ZNF69: variants seen among roughly 807,000 people sequenced by gnomAD.
ZNF69 encodes the protein ZNF3.
Under a neutral mutation model 50.9 loss-of-function variants are expected in ZNF69, and 47 were observed. That is an observed-to-expected ratio of 0.92 (90% CI 0.73 to 1.18). ZNF69 has a LOEUF of 1.18. ZNF69 is among the 50% of genes most tolerant of loss of function. The probability of loss-of-function intolerance (pLI) is 0.00; values close to 1 mark genes in which losing one functional copy is unlikely to be tolerated. For synonymous variants in ZNF69, 216 were observed against 223.1 expected, an observed-to-expected ratio of 0.97 and a Z score of 0.29; for missense variants, 717 against 675.1, an observed-to-expected ratio of 1.06 and a Z score of -0.69.
rs750086331 is a variant in ZNF69 at position 11,904,942 on chromosome 19, C to A, written c.545C>A (p.Pro182Gln). The change falls in exon 4 of 4, where the codon CCA becomes CAA. Residue 182 changes from proline (P) to glutamine (Q), a missense_variant. Transcript: ENST00000429654. ...AFRYHPSFRT[P>Q]QRDHTGEKPY... Reference sequence around the variant, plus strand: ...AGATATCACCCCTCCTTTAGAACACCACAAAGGGATCACACTGGAGAGAAA... The same window carrying A: ...AGATATCACCCCTCCTTTAGAACACAACAAAGGGATCACACTGGAGAGAAA... The A allele has an allele frequency of 5.6e-6, 9 of 1,614,162 alleles. No homozygotes were observed. Among genetic ancestry groups the A allele is most frequent in the South Asian group, 1.1e-5 (1 of 91,078 alleles).
chr19:11,898,002 G>A (rs1972164532), intron 1 of ZNF69, among the ~76,000 whole-genome samples: 2 of 152,058 alleles, frequency 1.3e-5, no homozygotes, highest in Admixed American at 6.6e-5. Context: ...TCTGTATAGA[G>A]TGTGCATTCT....
the ZNF69 span, among the ~76,000 whole-genome samples, chr19:11,930,715 C>A: frequency 1.4e-5 from 2 of 148,090 alleles, no homozygotes; most frequent in Non-Finnish European, 2.9e-5. Flanking sequence ...TAAATAGATG[C>A]CCAGACTGGG....
At chr19:11,960,145 G>A in the ZNF69 span, among the ~76,000 whole-genome samples, 8 of 149,592 alleles carry the variant, frequency 5.3e-5, no homozygotes, top group African/African-American at 1.2e-4. Flanking sequence ...AATAATTCTC[G>A]TGCCTTAGCG....
the ZNF69 span, among the ~76,000 whole-genome samples, chr19:11,969,066 G>A: frequency 6.6e-6 from 1 of 152,162 alleles, no homozygotes; most frequent in Admixed American, 6.5e-5. Flanking sequence ...ATGATGTAGA[G>A]ATTCATCAGC....
At chr19:11,963,088 A>AGTGTGTGTGTGTGTGT in the ZNF69 span, among the ~76,000 whole-genome samples, 14 of 138,308 alleles carry the variant, frequency 1.0e-4, no homozygotes, top group South Asian at 1.3e-3. Flanking sequence ...AGAGAGAGAG[A>AGTGTGTGTGTGTGTGT]GTGTGTGTGT....
the ZNF69 span, among the ~76,000 whole-genome samples, chr19:11,932,872 C>T: frequency 5.4e-5 from 8 of 148,170 alleles, 1 homozygote; most frequent in East Asian, 7.7e-4. Flanking sequence ...ATCCTGACCT[C>T]GTGATCCGCC....
At chr19:11,900,244 CACCCGGCCTGTT>C (rs1972214218) in intron 1 of ZNF69, among the ~76,000 whole-genome samples, 1 of 151,614 alleles carries the variant, frequency 6.6e-6, no homozygotes, top group Non-Finnish European at 1.5e-5. Flanking sequence ...TGAGCCACTG[CACCCGGCCTGTT>C]TTCATTTGCT....
At chr19:11,893,000 A>G (rs752757227) in intron 1 of ZNF69, among the ~76,000 whole-genome samples, 3 of 151,990 alleles carry the variant, frequency 2.0e-5, no homozygotes, top group African/African-American at 4.8e-5. Context: ...GCACATGGCT[A>G]ATTTTTGTAT....
the ZNF69 span, among the ~76,000 whole-genome samples, chr19:11,934,177 C>T: frequency 2.0e-5 from 3 of 147,496 alleles, no homozygotes; most frequent in Non-Finnish European, 3.0e-5. Context: ...GAGACCTCAT[C>T]TATTTTTTTT....
chr19:11,977,005 C>G, the ZNF69 span: 1 of 1,612,982 alleles, frequency 6.2e-7, no homozygotes, highest in Non-Finnish European at 8.5e-7. Flanking sequence ...GTCACTCTCA[C>G]CCAGCCTCCT....
intron 1 of ZNF69, 79 bp from the exon 2 acceptor site, chr19:11,903,494 G>A (rs543693209): frequency 2.5e-6 from 4 of 1,582,638 alleles, no homozygotes; most frequent in Non-Finnish European, 2.6e-6. Context: ...GGCATCCTGA[G>A]AACTTCTTGA....
At chr19:11,954,652 G>T in the ZNF69 span, among the ~76,000 whole-genome samples, 1 of 152,112 alleles carries the variant, frequency 6.6e-6, no homozygotes, top group African/African-American at 2.4e-5. Context: ...GCAACATGAC[G>T]ATTCCCTCTC....
At chr19:11,947,031 A>G in the ZNF69 span, 1 of 1,284,404 alleles carries the variant, frequency 7.8e-7, no homozygotes, top group Non-Finnish European at 1.0e-6. Flanking sequence ...GAAGAAAGTA[A>G]GTATAGATGG....
Position 11,906,100 on chromosome 19 carries a change from G to A in ZNF69, c.*2G>A. On this transcript the variant is annotated 3_prime_UTR_variant, in exon 4 of 4. Coordinates refer to ENST00000429654, the MANE Select transcript of ZNF69 (RefSeq NM_001364730.1). ...AAACCCTATGAGTGTAAGCAATGAG[G>A]GAAAGCCTTCAGATCTGCCTCACAC... The A allele has an allele frequency of 6.2e-7, 1 of 1,609,490 alleles. No individual in the cohort carries two copies. Among genetic ancestry groups the A allele is most frequent in the South Asian group, 1.1e-5 (1 of 90,630 alleles).
chr19:11,949,555 A>AT, the ZNF69 span: 1 of 1,611,484 alleles, frequency 6.2e-7, no homozygotes, highest in Non-Finnish European at 8.5e-7. Flanking sequence ...TTATAAATGT[A>AT]GTATATGTGA....
At chr19:11,939,967 GA>G in the ZNF69 span, 1 of 113,762 alleles carries the variant, frequency 8.8e-6, no homozygotes, top group African/African-American at 4.6e-5. Context: ...TTTTTTTTTT[GA>G]GACAGCAGGC....
chr19:11,917,120 A>G (rs1028104454), downstream of ZNF69, among the ~76,000 whole-genome samples: 19 of 152,216 alleles, frequency 1.2e-4, no homozygotes, highest in Admixed American at 4.6e-4. Flanking sequence ...TGCATCTGCC[A>G]AGTGGGGCTG....
chr19:11,950,813 T>C, the ZNF69 span: 3 of 177,378 alleles, frequency 1.7e-5, no homozygotes, highest in Admixed American at 1.2e-4. Flanking sequence ...TGTGAGTCAG[T>C]ATTACCATGT....
the ZNF69 span, among the ~76,000 whole-genome samples, chr19:11,920,996 A>C: frequency 6.6e-6 from 1 of 152,176 alleles, no homozygotes; most frequent in Non-Finnish European, 1.5e-5. Flanking sequence ...GATGTGCCTG[A>C]GGCTTGTGCC....
Sources: allele counts gnomAD v4.1 joint callset (sites outside exome capture counted in the v4.1 genomes callset), GRCh38; gene constraint gnomAD v4.1.1; transcripts MANE v1.5; gene names NCBI Gene and HGNC (gene_info 2026-07-23, HGNC 2026-07-21).